The following PLEKHG1 variants were observed in gnomAD, a reference collection of about 807,000 sequenced individuals.
PLEKHG1 encodes pleckstrin homology domain-containing family G member 1.
Under a neutral mutation model 100.8 loss-of-function variants are expected in PLEKHG1, and 44 were observed. The ratio of observed to expected loss-of-function variants is 0.44; its 90% CI spans 0.34 to 0.56. PLEKHG1 has a LOEUF of 0.56. Among genes scored for constraint, PLEKHG1 ranks in the 20% least tolerant of loss-of-function variants. PLEKHG1 has a pLI of 0.01. For synonymous variants in PLEKHG1, 640 were observed against 662.5 expected (o/e 0.97, Z 0.52); for missense variants, 1,545 against 1,720.9 (o/e 0.90, Z 1.81).
At chr6:150,636,920 A>G (rs916149545) in intron 1 of PLEKHG1, among the ~76,000 whole-genome samples, 4 of 152,186 alleles carry the variant, frequency 2.6e-5, no homozygotes, top group Non-Finnish European at 5.9e-5. Context: ...GGTCTGAAAA[A>G]TGACATTAGC....
At chr6:150,682,022 T>A (rs1470049529) in intron 3 of PLEKHG1, among the ~76,000 whole-genome samples, 1 of 152,182 alleles carries the variant, frequency 6.6e-6, no homozygotes, top group Non-Finnish European at 1.5e-5. Context: ...TTACCTACAG[T>A]TGACTCTGCC....
chr6:150,656,746 G>A (rs548006673), intron 3 of PLEKHG1, among the ~76,000 whole-genome samples: 14 of 152,290 alleles, frequency 9.2e-5, no homozygotes, highest in African/African-American at 2.9e-4. Flanking sequence ...CAACTATGGC[G>A]AAGAGAAGTG....
intron 3 of PLEKHG1, among the ~76,000 whole-genome samples, chr6:150,699,573 A>G (rs9480539): frequency 0.088 from 13,390 of 152,208 alleles, 1,748 homozygotes; most frequent in African/African-American, 0.29. Flanking sequence ...GTTCCCCCAA[A>G]TATTAGGAAC....
intron 3 of PLEKHG1, among the ~76,000 whole-genome samples, chr6:150,673,304 T>C (rs894905796): frequency 3.3e-5 from 5 of 152,226 alleles, no homozygotes; most frequent in African/African-American, 1.2e-4. Context: ...TCTCTAGTAC[T>C]GCGTTACTTT....
intron 7 of PLEKHG1, 115 bp downstream of exon 8, chr6:150,804,856 A>C: frequency 1.1e-6 from 1 of 941,938 alleles, no homozygotes; most frequent in Non-Finnish European, 1.6e-6. Context: ...TCTTCAGTGT[A>C]GTTCTCCCTG....
rs757163209 is a variant in PLEKHG1, at chr6:150,752,125, G to T, written c.412-16513G>T. Among the ~76,000 whole-genome samples, 156 of 152,118 alleles carry T rather than the reference G, an allele frequency of 1.0e-3. 1 individual carries two copies. The highest frequency in any genetic ancestry group is 1.8e-3 in the Non-Finnish European group (123 of 68,030). Reference sequence around the variant, plus strand: ...CACTTGAACCTGGGAGGCAGAGGTTGCAGTGAGCCAAGATCACACCAATGC... The same window carrying T: ...CACTTGAACCTGGGAGGCAGAGGTTTCAGTGAGCCAAGATCACACCAATGC... On this transcript the variant is annotated intron_variant, in intron 2 of 15. Transcript: ENST00000358517.
intron 10 of PLEKHG1, among the ~76,000 whole-genome samples, chr6:150,810,692 G>A (rs1435556216): frequency 2.0e-5 from 3 of 151,916 alleles, no homozygotes; most frequent in African/African-American, 4.8e-5. Context: ...AGGCTGAGGT[G>A]GGCAGATCAC....
intron 10 of PLEKHG1, among the ~76,000 whole-genome samples, chr6:150,813,052 T>TC (rs1787626458): frequency 6.6e-6 from 1 of 152,008 alleles, no homozygotes; most frequent in African/African-American, 2.4e-5. Context: ...ACACCTGTAA[T>TC]CCCAGCACTT....
At chr6:150,609,517 G>C (rs529679754) in intron 1 of PLEKHG1, among the ~76,000 whole-genome samples, 1 of 152,144 alleles carries the variant, frequency 6.6e-6, no homozygotes, top group African/African-American at 2.4e-5. Context: ...TGTGTGTGGA[G>C]GAGGAGCAGT....
intron 2 of PLEKHG1, among the ~76,000 whole-genome samples, chr6:150,746,372 G>A (rs1030725776): frequency 6.6e-6 from 1 of 152,142 alleles, no homozygotes; most frequent in African/African-American, 2.4e-5. Context: ...ATTATGACTT[G>A]TTACAAATAG....
chr6:150,758,704 G>A (rs55729112), intron 2 of PLEKHG1, among the ~76,000 whole-genome samples: 1 of 152,120 alleles, frequency 6.6e-6, no homozygotes, highest in African/African-American at 2.4e-5. Context: ...GTTTTGATTT[G>A]CATTTCTCTA....
intron 3 of PLEKHG1, among the ~76,000 whole-genome samples, chr6:150,682,410 G>T (rs1779966353): frequency 6.6e-6 from 1 of 151,994 alleles, no homozygotes; most frequent in South Asian, 2.1e-4. Context: ...CATCTCCGGG[G>T]GTCATTTTGT....
intron 3 of PLEKHG1, among the ~76,000 whole-genome samples, chr6:150,779,344 G>GTTTGTTTGTTTTTTTT (rs1257363893): frequency 1.3e-4 from 14 of 104,536 alleles, no homozygotes; most frequent in African/African-American, 6.0e-4. Context: ...TTGTCAAGAA[G>GTTTGTTTGTTTTTTTT]TTTTTTTTTT....
intron 3 of PLEKHG1, among the ~76,000 whole-genome samples, chr6:150,661,085 C>T (rs1779170421): frequency 6.6e-6 from 1 of 152,052 alleles, no homozygotes; most frequent in African/African-American, 2.4e-5. Flanking sequence ...AAGGTTTCCT[C>T]CCCTGGAATA....
intron 3 of PLEKHG1, among the ~76,000 whole-genome samples, chr6:150,670,575 A>C (rs1455993349): frequency 6.6e-6 from 1 of 152,162 alleles, no homozygotes; most frequent in Non-Finnish European, 1.5e-5. Flanking sequence ...AAGGGTAATA[A>C]AAAATGCTTT....
intron 4 of PLEKHG1, among the ~76,000 whole-genome samples, chr6:150,789,504 G>C: frequency 6.6e-6 from 1 of 152,142 alleles, no homozygotes; most frequent in East Asian, 1.9e-4. Flanking sequence ...ATTTAAAATA[G>C]GAATAGAGCC....
At chr6:150,735,134 G>GCT (rs764457283) in intron 2 of PLEKHG1, among the ~76,000 whole-genome samples, 13 of 151,966 alleles carry the variant, frequency 8.6e-5, no homozygotes, top group Non-Finnish European at 1.8e-4. Flanking sequence ...TTATAGGCAT[G>GCT]CTCCACCACA....
intron 1 of PLEKHG1, among the ~76,000 whole-genome samples, chr6:150,622,175 T>C (rs764411937): frequency 3.9e-5 from 6 of 152,180 alleles, no homozygotes; most frequent in African/African-American, 7.2e-5. Context: ...CTCAGATGTA[T>C]ATAATTTTGT....
chr6:150,724,274 G>T (rs1032529180), intron 1 of PLEKHG1, among the ~76,000 whole-genome samples: 5 of 152,228 alleles, frequency 3.3e-5, no homozygotes, highest in African/African-American at 1.2e-4. Context: ...CGTTTCTACT[G>T]GTGAGAACTT....
Sources: gnomAD v4.1 joint callset for allele counts (sites outside exome capture counted in the v4.1 genomes callset) on GRCh38, gnomAD v4.1.1 for gene constraint, MANE v1.5 for transcripts, NCBI Gene and HGNC (gene_info 2026-07-23, HGNC 2026-07-21) for gene names.